The following MBOAT4 variants were observed in gnomAD, a reference collection of about 807,000 sequenced individuals.
MBOAT4 encodes the protein membrane bound ghrelin O-acyltransferase MBOAT4, also known as membrane-bound ghrelin O-acyltransferase MBOAT4.
In MBOAT4, 11 loss-of-function variants were observed where a neutral mutation model predicts 13.2. That is an observed-to-expected ratio of 0.84 (90% confidence interval 0.53 to 1.38). MBOAT4 has a LOEUF of 1.38. Ranked by LOEUF, MBOAT4 falls within the 40% of genes most tolerant of loss-of-function variation. MBOAT4 has a pLI of 0.00. For synonymous variants in MBOAT4, 202 were observed against 210.3 expected, an observed-to-expected ratio of 0.96 and a Z score of 0.34; for missense variants, 481 against 527.2, an observed-to-expected ratio of 0.91 and a Z score of 0.86.
intron 2 of MBOAT4, chr8:30,138,067 AT>A: frequency 5.8e-6 from 1 of 171,216 alleles, no homozygotes; most frequent in Non-Finnish European, 1.3e-5. Flanking sequence ...ACTCCCTATG[AT>A]TTCATCTCCA....
intron 2 of MBOAT4, chr8:30,137,772 C>T (rs954748416): frequency 4.7e-6 from 2 of 429,774 alleles, no homozygotes; most frequent in African/African-American, 4.0e-5. Context: ...AAAACAAACC[C>T]CCTTCTTGCC....
At chr8:30,144,203 C>T (rs1283516687) in intron 1 of MBOAT4, among the ~76,000 whole-genome samples, 5 of 151,876 alleles carry the variant, frequency 3.3e-5, no homozygotes, top group Non-Finnish European at 7.4e-5. Context: ...GGCGCCATCT[C>T]GGCTCACTGC....
At position 30,138,770 on chromosome 8, in the gene MBOAT4, G is replaced by C. The variant is rs144362834; in HGVS notation, c.120-14C>G. The C allele has an allele frequency of 2.1e-5, 32 of 1,540,374 alleles. No individual in the cohort carries two copies. Among genetic ancestry groups the C allele is most frequent in the Non-Finnish European group, 2.6e-5 (30 of 1,138,770 alleles). On this transcript the variant is annotated splice_polypyrimidine_tract_variant and intron_variant, in intron 1 of 2. Coordinates refer to ENST00000320542, the MANE Select transcript of MBOAT4 (RefSeq NM_001100916.2). ...AGAAAGAGGTACCTGAAAGAGAAGG[G>C]ACACCTTGGGGAGAATGACTTAGAA...
rs536576797 is a variant in MBOAT4 at position 30,132,069 on chromosome 8, C to T, written c.1182G>A (p.Met394Ile). The change falls in exon 3 of 3, where the codon ATG becomes ATA. Residue 394 changes from methionine to isoleucine, a missense_variant. Met to Ile is a conservative substitution (Grantham distance 10). Transcript: ENST00000320542. Reference protein sequence around the residue: ...AHTQLIIAYIMLAVEVRSLSS... With the variant: ...AHTQLIIAYIILAVEVRSLSS... The stretch of plus-strand genomic sequence containing the variant: ...AGAGACTCCTGACCTCCACAGCCAG[C>T]ATGATGTAGGCAATGATCAACTGGG... The T allele has an allele frequency of 3.7e-4, 568 of 1,551,780 alleles. 8 individuals are homozygous for T. The South Asian group carries it at 6.4e-3, about 18-fold the overall frequency.
Position 30,144,664 on chromosome 8 carries a change from G to C in MBOAT4, c.-63C>G. ...CCTTAACTGATGCCTTCCTCCAAGA[G>C]TAATCTCAACCAGGCTGTCTCTGGT... is the stretch of plus-strand genomic sequence containing the variant. On this transcript the variant is annotated 5_prime_UTR_variant, in exon 1 of 3. Coordinates refer to ENST00000320542, the MANE Select transcript of MBOAT4 (RefSeq NM_001100916.2). 2.7e-6 allele frequency: 3 copies of C among 1,124,334 alleles called. No individual in the cohort carries two copies. The highest frequency in any genetic ancestry group is 3.8e-6 in the Non-Finnish European group (3 of 783,178). 69.6% of individuals were successfully genotyped at this position (1,124,334 alleles called of 1,614,324 possible).
chr8:30,143,706 C>G (rs899221883), intron 1 of MBOAT4, among the ~76,000 whole-genome samples: 2 of 152,128 alleles, frequency 1.3e-5, no homozygotes, highest in African/African-American at 4.8e-5. Flanking sequence ...TATTTCATTT[C>G]TCTGAGAATT....
chr8:30,134,593 G>A (rs1223275496), intron 2 of MBOAT4, among the ~76,000 whole-genome samples: 3 of 152,090 alleles, frequency 2.0e-5, no homozygotes, highest in Non-Finnish European at 4.4e-5. Flanking sequence ...CCAGGCTGGA[G>A]TGCAGTGGCG....
chr8:30,138,318 A>G, intron 2 of MBOAT4: 1 of 480,280 alleles, frequency 2.1e-6, no homozygotes, highest in Non-Finnish European at 3.8e-6. Context: ...TTACACTAAC[A>G]TTCACAACAA....
At chr8:30,139,102 G>A (rs940379369) in intron 1 of MBOAT4, among the ~76,000 whole-genome samples, 20 of 151,678 alleles carry the variant, frequency 1.3e-4, no homozygotes, top group African/African-American at 4.1e-4. Flanking sequence ...AGGGACTACA[G>A]GCATGCACCA....
Position 30,132,267 on chromosome 8 carries a change from C to T in MBOAT4, c.984G>A (p.Leu328=). 6.4e-7 allele frequency: 1 copy of T among 1,551,778 alleles called. No homozygotes were observed. Among genetic ancestry groups the T allele is most frequent in the Non-Finnish European group, 8.7e-7 (1 of 1,147,002 alleles). The stretch of plus-strand genomic sequence containing the variant: ...ACCAGGCAGAGAAGGCAAATGTCTG[C>T]AACAACGGCCAAGCCCTGCTGTGCT... ...VFQHSRAWPL[L]QTFAFSAWWH... Residue 328 remains leucine, a synonymous_variant, in exon 3 of 3, where the codon TTG becomes TTA. Transcript: ENST00000320542.
Position 30,144,519 on chromosome 8 carries a change from T to G in MBOAT4, c.83A>C (p.Tyr28Ser). Residue 28 changes from tyrosine (Y) to serine (S), a missense_variant, in exon 1 of 3, where the codon TAT (tyrosine) becomes TCT (serine). Tyr to Ser is a moderately radical substitution (Grantham distance 144, BLOSUM62 -2). Coordinates refer to ENST00000320542, the MANE Select transcript of MBOAT4 (RefSeq NM_001100916.2). Reference protein sequence around the residue: ...AAFPFALLFNYLCIMDSFSTR... With the variant: ...AAFPFALLFNSLCIMDSFSTR... Reference sequence around the variant, plus strand: ...GGAGAATGAATCCATGATGCAGAGATAATTGAAGAGAAGTGCAAAGGGAAA... The same window carrying G: ...GGAGAATGAATCCATGATGCAGAGAGAATTGAAGAGAAGTGCAAAGGGAAA... The G allele has an allele frequency of 6.4e-7, 1 of 1,551,456 alleles. No individual in the cohort carries two copies. Among genetic ancestry groups the G allele is most frequent in the East Asian group, 2.4e-5 (1 of 40,922 alleles).
rs1563220419 is a variant in MBOAT4, at chr8:30,132,241, C to G, written c.1010G>C (p.Trp337Ser). The change falls in exon 3 of 3, where the codon TGG becomes TCG. Residue 337 changes from tryptophan to serine, a missense_variant. Trp to Ser is a radical substitution (Grantham distance 177). Coordinates refer to ENST00000320542, the MANE Select transcript of MBOAT4 (RefSeq NM_001100916.2). ...LLQTFAFSAW[W>S]HGLHPGQVFG... is the part of the protein sequence containing the mutation. ...CACCTGTCCTGGATGGAGTCCATGC[C>G]ACCAGGCAGAGAAGGCAAATGTCTG... The G allele has an allele frequency of 1.3e-6, 2 of 1,551,694 alleles. No homozygotes were observed. The highest frequency in any genetic ancestry group is 2.0e-5 in the Admixed American group (1 of 50,988).
chr8:30,138,193 G>C (rs940839658), intron 2 of MBOAT4: 6 of 191,470 alleles, frequency 3.1e-5, no homozygotes, highest in African/African-American at 1.4e-4. Flanking sequence ...CCAAAGCTTG[G>C]AGTAATAATA....
chr8:30,133,206 C>T (rs554066461), intron 2 of MBOAT4, among the ~76,000 whole-genome samples: 16 of 152,172 alleles, frequency 1.1e-4, no homozygotes, highest in Admixed American at 9.8e-4. Context: ...CATGAGCCAC[C>T]GCCCCTGGCA....
At chr8:30,138,328 A>G in intron 2 of MBOAT4, 1 of 502,180 alleles carries the variant, frequency 2.0e-6, no homozygotes, top group Non-Finnish European at 3.6e-6. Flanking sequence ...ATTCACAACA[A>G]TCTTGCAACA....
intron 2 of MBOAT4, chr8:30,137,341 C>T (rs1803170100): frequency 6.4e-7 from 1 of 1,551,736 alleles, no homozygotes; most frequent in Non-Finnish European, 8.7e-7. Flanking sequence ...ACTGACACAG[C>T]AGCTGCCTCT....
At chr8:30,136,390 C>T (rs2134560) in intron 2 of MBOAT4, among the ~76,000 whole-genome samples, 116,666 of 152,078 alleles carry the variant, frequency 0.77, 47,223 homozygotes, top group Middle Eastern at 0.9. Flanking sequence ...CTCAGAAGAA[C>T]CCAGCCCTGC....
At chr8:30,136,088 C>T (rs948756128) in intron 2 of MBOAT4, among the ~76,000 whole-genome samples, 11 of 152,106 alleles carry the variant, frequency 7.2e-5, no homozygotes, top group African/African-American at 2.7e-4. Flanking sequence ...GCAAGGTAGC[C>T]TCCAAATGCC....
At chr8:30,143,404 A>T (rs1803297082) in intron 1 of MBOAT4, among the ~76,000 whole-genome samples, 1 of 149,000 alleles carries the variant, frequency 6.7e-6, no homozygotes, top group African/African-American at 2.5e-5. Flanking sequence ...TATATATAAA[A>T]ATAAATAAAA....
Sources: gnomAD v4.1 joint callset for allele counts (sites outside exome capture counted in the v4.1 genomes callset) on GRCh38, gnomAD v4.1.1 for gene constraint, MANE v1.5 for transcripts, NCBI Gene and HGNC (gene_info 2026-07-23, HGNC 2026-07-21) for gene names.